PRRG1: variants seen among roughly 807,000 people sequenced by gnomAD.
PRRG1 encodes transmembrane gamma-carboxyglutamic acid protein 1.
A neutral mutation model predicts 11.8 loss-of-function variants in PRRG1; 5 were observed. That is an observed-to-expected ratio of 0.42 (90% confidence interval 0.22 to 0.89). PRRG1 has a LOEUF of 0.89. Among genes scored for constraint, PRRG1 ranks in the 40% least tolerant of loss-of-function variants. The pLI is 0.28. For synonymous variants in PRRG1, 66 were observed against 60.4 expected (o/e 1.09, Z -0.43); for missense variants, 155 against 166.1 (o/e 0.93, Z 0.37).
rs182659800 is a variant in PRRG1 at position 37,388,581 on chromosome X, G to A, written c.-41-17628G>A. Among the ~76,000 whole-genome samples the A allele has an allele frequency of 1.5e-3, 165 of 113,283 alleles. 1 individual carries two copies. The highest frequency in any genetic ancestry group is 5.1e-3 in the African/African-American group (161 of 31,273). Reference sequence around the variant, plus strand: ...CTGAACCTGGGCCCCTTTGGGCCACGACTGAAGCTGGAGCAACTGCGATGT... The same window carrying A: ...CTGAACCTGGGCCCCTTTGGGCCACAACTGAAGCTGGAGCAACTGCGATGT... On this transcript the variant is annotated intron_variant, in intron 1 of 3. Transcript: ENST00000378628.
intron 2 of PRRG1, among the ~76,000 whole-genome samples, chrX:37,412,124 C>T (rs190691762): frequency 9.0e-6 from 1 of 111,635 alleles, no homozygotes; most frequent in African/African-American, 3.2e-5. Flanking sequence ...TTTTTATGGT[C>T]GTGCTATAGC....
intron 1 of PRRG1, among the ~76,000 whole-genome samples, chrX:37,354,397 TTTTTTTTTTTATTGGGACAGAGTC>T (rs1387895834): frequency 1.9e-5 from 2 of 104,751 alleles, no homozygotes; most frequent in African/African-American, 6.9e-5. Context: ...ATTTTTTTAT[TTTTTTTTTTTATTGGGACAGAGTC>T]TCACTCTGTC....
intron 1 of PRRG1, among the ~76,000 whole-genome samples, chrX:37,358,533 T>C (rs1053044562): frequency 4.5e-5 from 5 of 111,606 alleles, no homozygotes; most frequent in Non-Finnish European, 9.4e-5. Context: ...CAAAGATCAG[T>C]TGACGATATG....
intron 1 of PRRG1, among the ~76,000 whole-genome samples, chrX:37,355,146 T>C (rs1295723625): frequency 9.0e-6 from 1 of 110,959 alleles, no homozygotes; most frequent in East Asian, 2.8e-4. Flanking sequence ...CTCAAACTCC[T>C]GGGCTGAAGT....
chrX:37,442,035 T>C, intron 3 of PRRG1: 1 of 773,014 alleles, frequency 1.3e-6, no homozygotes, highest in Non-Finnish European at 1.6e-6. Flanking sequence ...AGTACCTGTT[T>C]GACAAGCTCA....
Position 37,397,553 on chromosome X carries a change from G to A in PRRG1, c.-41-8656G>A, listed in dbSNP as rs141315586. Among the ~76,000 whole-genome samples the A allele has an allele frequency of 8.9e-5, 10 of 112,338 alleles. No homozygotes were observed. In the East Asian group the frequency reaches 2.5e-3, roughly 28 times the overall value. ...TATAAGATATGAACATCAGGATGAG[G>A]TAGCATTATGAGAGTTCAAAGGAAA... On this transcript the variant is annotated intron_variant, in intron 1 of 3. Coordinates refer to ENST00000378628, the MANE Select transcript of PRRG1 (RefSeq NM_001142395.2).
chrX:37,376,275 G>A (rs1294295807), intron 1 of PRRG1, among the ~76,000 whole-genome samples: 1 of 106,790 alleles, frequency 9.4e-6, no homozygotes, highest in Non-Finnish European at 1.9e-5. Context: ...TGTTTATAGT[G>A]TGTTCTATTT....
intron 1 of PRRG1, among the ~76,000 whole-genome samples, chrX:37,373,626 T>G (rs1438781127): frequency 1.8e-5 from 2 of 112,148 alleles, no homozygotes; most frequent in Admixed American, 1.9e-4. Context: ...CACTACTAAC[T>G]TTTTAATGCT....
At position 37,443,427 on chromosome X, in the gene PRRG1, C is replaced by T. The variant is rs782469449; in HGVS notation, c.172-9709C>T. Among the ~76,000 whole-genome samples, 34 of 111,642 alleles carry T rather than the reference C, an allele frequency of 3.0e-4. No individual in the cohort carries two copies. In the South Asian group the frequency reaches 0.013, roughly 41 times the overall value. On this transcript the variant is annotated intron_variant, in intron 3 of 3. Transcript: ENST00000378628. ...AATGAATGTCAGCTTTGGAAATATACGTAAGGGAGACATTATAGATGGTAT... is the reference window on the plus strand; with the variant it reads ...AATGAATGTCAGCTTTGGAAATATATGTAAGGGAGACATTATAGATGGTAT...
chrX:37,411,344 T>C (rs1159108203), intron 2 of PRRG1, among the ~76,000 whole-genome samples: 4 of 111,631 alleles, frequency 3.6e-5, no homozygotes, highest in African/African-American at 1.3e-4. Flanking sequence ...ACCAGATGAC[T>C]GTTCTAGGAT....
intron 1 of PRRG1, among the ~76,000 whole-genome samples, chrX:37,354,296 G>A (rs1556365487): frequency 1.8e-5 from 2 of 111,923 alleles, no homozygotes; most frequent in African/African-American, 6.5e-5. Flanking sequence ...TGGTGGAGAG[G>A]AAGGGAGAGG....
intron 1 of PRRG1, among the ~76,000 whole-genome samples, chrX:37,381,397 C>T (rs966995355): frequency 1.1e-4 from 12 of 111,996 alleles, no homozygotes; most frequent in Non-Finnish European, 2.1e-4. Flanking sequence ...ATGTTGAAGA[C>T]ATCATTCATT....
chrX:37,407,036 G>T (rs1167574089), intron 2 of PRRG1, among the ~76,000 whole-genome samples: 1 of 112,074 alleles, frequency 8.9e-6, no homozygotes, highest in African/African-American at 3.2e-5. Context: ...TATTTTAACA[G>T]AATTTTAACA....
intron 1 of PRRG1, among the ~76,000 whole-genome samples, chrX:37,404,971 A>G (rs1376987293): frequency 8.9e-6 from 1 of 112,084 alleles, no homozygotes; most frequent in Non-Finnish European, 1.9e-5. Flanking sequence ...AGAAACGCCC[A>G]TCGCTTACAG....
At chrX:37,387,128 C>A (rs1556375405) in intron 1 of PRRG1, among the ~76,000 whole-genome samples, 1 of 111,582 alleles carries the variant, frequency 9.0e-6, no homozygotes, top group South Asian at 3.8e-4. Context: ...GTGAGAGATA[C>A]CCAAAATAGA....
At chrX:37,395,630 G>T (rs1204507210) in intron 1 of PRRG1, among the ~76,000 whole-genome samples, 4 of 103,557 alleles carry the variant, frequency 3.9e-5, no homozygotes, top group Non-Finnish European at 5.9e-5. Flanking sequence ...AAAAAAAAAA[G>T]ATATCAAAAC....
At chrX:37,404,584 T>C (rs1363917397) in intron 1 of PRRG1, among the ~76,000 whole-genome samples, 1 of 110,830 alleles carries the variant, frequency 9.0e-6, no homozygotes, top group Non-Finnish European at 1.9e-5. Context: ...CCTATAGTGC[T>C]AGGTTTCTGA....
intron 1 of PRRG1, among the ~76,000 whole-genome samples, chrX:37,391,054 C>T (rs1407394066): frequency 8.9e-6 from 1 of 111,900 alleles, no homozygotes; most frequent in Non-Finnish European, 1.9e-5. Context: ...TAAAAATGCT[C>T]CTTCATTTTT....
At chrX:37,361,989 A>G (rs1930430426) in intron 1 of PRRG1, among the ~76,000 whole-genome samples, 1 of 112,071 alleles carries the variant, frequency 8.9e-6, no homozygotes, top group Non-Finnish European at 1.9e-5. Context: ...AGTATTACCT[A>G]TGGGACCAGA....
Sources: gnomAD v4.1 joint callset for allele counts (sites outside exome capture counted in the v4.1 genomes callset) on GRCh38, gnomAD v4.1.1 for gene constraint, MANE v1.5 for transcripts, NCBI Gene and HGNC (gene_info 2026-07-23, HGNC 2026-07-21) for gene names.